Variants in RIPOR2 observed in about 807,000 individuals in gnomAD.
RIPOR2 encodes the protein rho family-interacting cell polarization regulator 2.
In RIPOR2, 39 loss-of-function variants were observed where a neutral mutation model predicts 114.5. The ratio of observed to expected loss-of-function variants is 0.34; its 90% CI spans 0.26 to 0.44. The LOEUF is 0.44. Ranked by LOEUF, RIPOR2 falls within the 20% of genes least tolerant of loss-of-function variation. RIPOR2 has a pLI of 1.00. For synonymous variants in RIPOR2, 445 were observed against 484.4 expected (o/e 0.92, Z 1.07); for missense variants, 1,007 against 1,255.1 (o/e 0.80, Z 2.99).
chr6:24,889,428 A>T (rs1422750628), intron 1 of RIPOR2, among the ~76,000 whole-genome samples: 1 of 152,076 alleles, frequency 6.6e-6, no homozygotes, highest in Non-Finnish European at 1.5e-5. Context: ...ATGTGTTCTG[A>T]TTGATTTTAG....
chr6:24,949,229 G>A (rs1013879505), intron 1 of RIPOR2, among the ~76,000 whole-genome samples: 2 of 152,068 alleles, frequency 1.3e-5, no homozygotes, highest in Non-Finnish European at 2.9e-5. Context: ...GGCCAGAGGA[G>A]GAGAAAGCAA....
intron 1 of RIPOR2, among the ~76,000 whole-genome samples, chr6:24,909,322 G>A (rs1399812807): frequency 6.6e-6 from 1 of 152,110 alleles, no homozygotes; most frequent in African/African-American, 2.4e-5. Context: ...AACCACTGGA[G>A]AATAGCCATG....
intron 1 of RIPOR2, among the ~76,000 whole-genome samples, chr6:24,918,238 C>A (rs113237809): frequency 1.6e-4 from 25 of 152,276 alleles, no homozygotes; most frequent in African/African-American, 5.8e-4. Context: ...TGTAAATAAG[C>A]TTCCTTGAAT....
chr6:24,849,619 G>C (rs997102638), intron 11 of RIPOR2, among the ~76,000 whole-genome samples, 183 bp downstream of exon 11: 1 of 152,022 alleles, frequency 6.6e-6, no homozygotes, highest in Non-Finnish European at 1.5e-5. Context: ...CCTTACCCGG[G>C]GAGTTTGTTA....
At chr6:24,933,636 T>C (rs1310754807) in intron 1 of RIPOR2, among the ~76,000 whole-genome samples, 2 of 152,214 alleles carry the variant, frequency 1.3e-5, no homozygotes, top group Non-Finnish European at 2.9e-5. Context: ...CATACCACAT[T>C]GAAGTGCAAC....
intron 1 of RIPOR2, among the ~76,000 whole-genome samples, chr6:24,895,766 G>A (rs545186754): frequency 6.3e-4 from 96 of 152,234 alleles, no homozygotes; most frequent in Admixed American, 2.5e-3. Context: ...CAAGGCAGGT[G>A]GATCACGAGG....
rs867526251 is a variant in RIPOR2 at position 24,927,152 on chromosome 6, C to G, written c.61+8686G>C. Reference sequence around the variant, plus strand: ...CATCTCACTACCACCACCACCACCACCACCACCACAACTACAATCACCACC... The same window carrying G: ...CATCTCACTACCACCACCACCACCAGCACCACCACAACTACAATCACCACC... On this transcript the variant is annotated intron_variant, in intron 1 of 21. Transcript: ENST00000643898. Among the ~76,000 whole-genome samples the G allele has an allele frequency of 1.5e-3, 171 of 111,914 alleles. 78 individuals are homozygous for G. The highest frequency in any genetic ancestry group is 9.6e-3 in the Admixed American group (105 of 10,916). 73.4% of individuals were successfully genotyped at this position (111,914 alleles called of 152,430 possible).
At chr6:25,024,118 T>C (rs1776476270) in intron 1 of RIPOR2, 1 of 845,984 alleles carries the variant, frequency 1.2e-6, no homozygotes. Flanking sequence ...AAACCGGACC[T>C]GATATTCCCC....
intron 1 of RIPOR2, among the ~76,000 whole-genome samples, chr6:25,021,619 G>T (rs906271821): frequency 6.6e-6 from 1 of 152,148 alleles, no homozygotes; most frequent in Non-Finnish European, 1.5e-5. Context: ...AAGACACAAA[G>T]AACTCTGGGG....
rs1214660377 is a variant in RIPOR2, at chr6:24,843,432, G to A, written c.1287C>T (p.Ser429=). Reference sequence around the variant, plus strand: ...TTTCTGGATTTGTTGAGTTGGAAGGGGAGCCTGTTGAGTGGGAGGTGAGGG... The same window carrying A: ...TTTCTGGATTTGTTGAGTTGGAAGGAGAGCCTGTTGAGTGGGAGGTGAGGG... ...DCALTSHSTG[S]PSNSTNPEIT... The change falls in exon 13 of 22, where the codon TCC becomes TCT. Residue 429 remains serine, a synonymous_variant. Transcript: ENST00000643898. 6.2e-7 allele frequency: 1 copy of A among 1,612,778 alleles called. No homozygotes were observed.
chr6:25,018,166 G>A (rs944372048), intron 1 of RIPOR2, among the ~76,000 whole-genome samples: 1 of 152,166 alleles, frequency 6.6e-6, no homozygotes, highest in Non-Finnish European at 1.5e-5. Flanking sequence ...GTAGAGCGGC[G>A]CCACCTGATG....
At chr6:24,825,548 GA>G (rs1760093733) in intron 18 of RIPOR2, 120 bp from the exon 19 acceptor site, 2 of 679,170 alleles carry the variant, frequency 2.9e-6, no homozygotes, top group Non-Finnish European at 5.0e-6. Context: ...CAATACATAT[GA>G]AAAATTAGCA....
chr6:24,973,051 G>A (rs1192507612), intron 1 of RIPOR2, among the ~76,000 whole-genome samples: 1 of 138,196 alleles, frequency 7.2e-6, no homozygotes, highest in Non-Finnish European at 1.6e-5. Context: ...ATAAAGTAAT[G>A]AAAGGAGAGG....
intron 1 of RIPOR2, among the ~76,000 whole-genome samples, chr6:24,892,496 A>G (rs903775607): frequency 2.0e-5 from 3 of 152,112 alleles, no homozygotes; most frequent in Non-Finnish European, 4.4e-5. Flanking sequence ...TGGGACTCAA[A>G]TCTCACTCTA....
intron 7 of RIPOR2, among the ~76,000 whole-genome samples, chr6:24,863,515 C>T (rs1028894525): frequency 2.6e-5 from 4 of 152,188 alleles, no homozygotes; most frequent in Non-Finnish European, 1.5e-5. Context: ...AAACGGCTCT[C>T]CTCATTTCAG....
chr6:24,979,660 C>A (rs1381379088), intron 1 of RIPOR2, among the ~76,000 whole-genome samples: 1 of 152,130 alleles, frequency 6.6e-6, no homozygotes, highest in African/African-American at 2.4e-5. Context: ...CATGTTGGGA[C>A]CCAGAGCCAA....
chr6:24,848,907 GT>G (rs1762582626), intron 11 of RIPOR2, among the ~76,000 whole-genome samples: 1 of 152,094 alleles, frequency 6.6e-6, no homozygotes, highest in African/African-American at 2.4e-5. Context: ...ACTACTAGTG[GT>G]TTTTGTTTTT....
At chr6:24,941,732 G>T (rs1467581805) in intron 1 of RIPOR2, among the ~76,000 whole-genome samples, 1 of 152,118 alleles carries the variant, frequency 6.6e-6, no homozygotes, top group Non-Finnish European at 1.5e-5. Flanking sequence ...ACCTCTCAGG[G>T]TTTGGCAACA....
At chr6:24,831,730 C>T (rs975388989) in intron 16 of RIPOR2, among the ~76,000 whole-genome samples, 5 of 152,182 alleles carry the variant, frequency 3.3e-5, no homozygotes, top group Non-Finnish European at 7.3e-5. Flanking sequence ...TTGGTTTCTA[C>T]AAAAGTGCCC....
Sources: gnomAD v4.1 joint callset for allele counts (sites outside exome capture counted in the v4.1 genomes callset) on GRCh38, gnomAD v4.1.1 for gene constraint, MANE v1.5 for transcripts, NCBI Gene and HGNC (gene_info 2026-07-23, HGNC 2026-07-21) for gene names.